The following MPPED2 variants were observed in gnomAD, a reference collection of about 807,000 sequenced individuals.
The protein encoded by MPPED2 is metallophosphoesterase MPPED2.
Under a neutral mutation model 33.0 loss-of-function variants are expected in MPPED2, and 5 were observed. The observed-to-expected ratio is 0.15, with a 90% CI of 0.08 to 0.32. MPPED2 has a LOEUF of 0.32. Ranked by LOEUF, MPPED2 falls within the 10% of genes least tolerant of loss-of-function variation. The probability of loss-of-function intolerance (pLI) is 1.00; values close to 1 mark genes in which losing one functional copy is unlikely to be tolerated. For missense variants in MPPED2, 275 were observed against 372.1 expected, an observed-to-expected ratio of 0.74 and a Z score of 2.15; for synonymous variants, 136 against 141.9, an observed-to-expected ratio of 0.96 and a Z score of 0.29.
chr11:30,548,741 T>C (rs530587503), intron 2 of MPPED2, among the ~76,000 whole-genome samples: 1 of 152,138 alleles, frequency 6.6e-6, no homozygotes, highest in African/African-American at 2.4e-5. Flanking sequence ...AAAGAAACAA[T>C]TTAAATTGAA....
At chr11:30,410,049 G>A (rs1330799979), downstream of MPPED2, 2 of 950,592 alleles carry the variant, frequency 2.1e-6, no homozygotes, top group Non-Finnish European at 2.5e-6. Context: ...GTGCCTTATC[G>A]ATCTATCTGC....
At chr11:30,479,758 G>A (rs1276671082) in intron 4 of MPPED2, among the ~76,000 whole-genome samples, 1 of 152,004 alleles carries the variant, frequency 6.6e-6, no homozygotes, top group Non-Finnish European at 1.5e-5. Flanking sequence ...GCTGTCTGTT[G>A]CTTACACTGA....
chr11:30,557,763 G>T (rs1485339459), intron 2 of MPPED2, among the ~76,000 whole-genome samples: 1 of 152,202 alleles, frequency 6.6e-6, no homozygotes, highest in African/African-American at 2.4e-5. Flanking sequence ...CATATTTGAA[G>T]ATAAGTGAAA....
chr11:30,582,939 C>A (rs931670173), intron 1 of MPPED2, among the ~76,000 whole-genome samples: 1 of 152,138 alleles, frequency 6.6e-6, no homozygotes, highest in East Asian at 1.9e-4. Context: ...GCACCTGCAG[C>A]GTCTATCTTC....
At chr11:30,533,006 C>G (rs1436549567) in intron 3 of MPPED2, among the ~76,000 whole-genome samples, 2 of 152,144 alleles carry the variant, frequency 1.3e-5, no homozygotes, top group South Asian at 2.1e-4. Flanking sequence ...TAGCACATAG[C>G]CAAACAGCTA....
intron 3 of MPPED2, among the ~76,000 whole-genome samples, chr11:30,508,273 T>A (rs1484382714): frequency 6.6e-6 from 1 of 152,152 alleles, no homozygotes; most frequent in Non-Finnish European, 1.5e-5. Context: ...TGAAAAAATT[T>A]AAAAAATGTG....
intron 4 of MPPED2, among the ~76,000 whole-genome samples, chr11:30,462,282 C>G (rs1163729247): frequency 2.0e-5 from 3 of 152,016 alleles, no homozygotes; most frequent in African/African-American, 4.8e-5. Context: ...CAGCAAAAAG[C>G]AAACAAAATG....
chr11:30,531,327 C>CA (rs1234348406), intron 3 of MPPED2, among the ~76,000 whole-genome samples: 2 of 152,172 alleles, frequency 1.3e-5, no homozygotes, highest in Admixed American at 1.3e-4. Flanking sequence ...AAGAGAGGCA[C>CA]AGGTTGTCTG....
chr11:30,413,460 A>G (rs1006850117), intron 6 of MPPED2, among the ~76,000 whole-genome samples: 1 of 152,154 alleles, frequency 6.6e-6, no homozygotes, highest in Non-Finnish European at 1.5e-5. Flanking sequence ...CCAGTTACCC[A>G]TGATTTGAAA....
At chr11:30,468,254 ACACTCTCTCTCT>A (rs1950801678) in intron 4 of MPPED2, among the ~76,000 whole-genome samples, 1 of 107,862 alleles carries the variant, frequency 9.3e-6, no homozygotes, top group South Asian at 2.7e-4. Flanking sequence ...ACACACACAC[ACACTCTCTCTCT>A]CTCTCTCTCT....
chr11:30,546,108 C>T (rs925666848), intron 2 of MPPED2, among the ~76,000 whole-genome samples: 5 of 152,198 alleles, frequency 3.3e-5, no homozygotes, highest in African/African-American at 9.7e-5. Context: ...ACATGAGTCA[C>T]CGTGCCCGGC....
intron 2 of MPPED2, among the ~76,000 whole-genome samples, chr11:30,560,744 C>T (rs367933623): frequency 1.3e-5 from 2 of 152,180 alleles, no homozygotes; most frequent in East Asian, 3.9e-4. Flanking sequence ...ATGTGATTCA[C>T]TTACAGGCGA....
chr11:30,420,003 A>G (rs1180845708), intron 4 of MPPED2, among the ~76,000 whole-genome samples: 1 of 152,184 alleles, frequency 6.6e-6, no homozygotes, highest in Admixed American at 6.5e-5. Context: ...CCTAATATAT[A>G]CAATCATTGT....
intron 6 of MPPED2, among the ~76,000 whole-genome samples, chr11:30,392,520 A>G (rs1009828891): frequency 6.6e-6 from 1 of 152,222 alleles, no homozygotes; most frequent in Non-Finnish European, 1.5e-5. Context: ...AAGCAGGTAA[A>G]GAAGATGGCT....
chr11:30,489,510 T>C (rs761925218), intron 4 of MPPED2, among the ~76,000 whole-genome samples: 2 of 152,244 alleles, frequency 1.3e-5, no homozygotes, highest in African/African-American at 2.4e-5. Context: ...AAACAAATCC[T>C]GCTCACACTT....
In MPPED2 at chr11:30,487,393, T is replaced by A. The variant is rs186844079; in HGVS notation, c.536+7903A>T. 7.3e-4 allele frequency among the ~76,000 whole-genome samples: 111 copies of A among 152,320 alleles called. 1 individual carries two copies. Among genetic ancestry groups the A allele is most frequent in the Middle Eastern group, 3.4e-3 (1 of 294 alleles). On this transcript the variant is annotated intron_variant, in intron 4 of 6. Transcript: ENST00000358117. ...GAGGGAAAAAGCCACATGCAACCTA[T>A]ACTTGCCTCCTGATATGTGTTGTGG... is the stretch of plus-strand genomic sequence containing the variant.
At chr11:30,552,732 C>G (rs1358233043) in intron 2 of MPPED2, among the ~76,000 whole-genome samples, 1 of 152,130 alleles carries the variant, frequency 6.6e-6, no homozygotes, top group African/African-American at 2.4e-5. Flanking sequence ...TCACAATTTT[C>G]TTAACCATTT....
chr11:30,520,083 T>C (rs1410408600), intron 3 of MPPED2, among the ~76,000 whole-genome samples: 2 of 152,092 alleles, frequency 1.3e-5, no homozygotes, highest in Admixed American at 6.5e-5. Context: ...CAAAGAAGGA[T>C]AAGTGAGATT....
chr11:30,407,501 G>T (rs1029868869), downstream of MPPED2, among the ~76,000 whole-genome samples: 16 of 152,214 alleles, frequency 1.1e-4, no homozygotes, highest in African/African-American at 2.4e-5. Flanking sequence ...GCTTGTTACG[G>T]TTCCTAAGCA....
Sources: allele counts gnomAD v4.1 joint callset (sites outside exome capture counted in the v4.1 genomes callset), GRCh38; gene constraint gnomAD v4.1.1; transcripts MANE v1.5; gene names NCBI Gene and HGNC (gene_info 2026-07-23, HGNC 2026-07-21).